SSUH2: variants seen among roughly 807,000 people sequenced by gnomAD.
SSUH2 encodes the protein ssu-2 homolog.
SSUH2 carries 47 observed loss-of-function variants against 55.3 expected under a neutral mutation model. That is an observed-to-expected ratio of 0.85 (90% confidence interval 0.67 to 1.08). The LOEUF (loss-of-function observed/expected upper bound fraction) is 1.08. SSUH2 is among the 50% of genes least tolerant of loss of function. The pLI is 0.00. For missense variants in SSUH2, 535 were observed against 490.7 expected (o/e 1.09, Z -0.85); for synonymous variants, 212 against 191.5 (o/e 1.11, Z -0.89).
intron 3 of SSUH2, among the ~76,000 whole-genome samples, chr3:8,675,965 T>C (rs904958201): frequency 6.6e-6 from 1 of 152,116 alleles, no homozygotes; most frequent in African/African-American, 2.4e-5. Flanking sequence ...AGACGGGGTT[T>C]CTAAAGGATG....
At chr3:8,633,265 T>C (rs1699203477) in intron 4 of SSUH2, among the ~76,000 whole-genome samples, 1 of 150,296 alleles carries the variant, frequency 6.7e-6, no homozygotes, top group African/African-American at 2.5e-5. Flanking sequence ...TGCCTCAGCC[T>C]CCCGAGTAGC....
intron 11 of SSUH2, 46 bp downstream of exon 11, chr3:8,623,503 C>G: frequency 8.7e-7 from 1 of 1,152,458 alleles, no homozygotes; most frequent in Non-Finnish European, 1.3e-6. Context: ...GCTCAGCAGC[C>G]CAGGAAGAGA....
chr3:8,641,055 C>T (rs1700745877), intron 1 of SSUH2, among the ~76,000 whole-genome samples: 2 of 152,166 alleles, frequency 1.3e-5, no homozygotes, highest in South Asian at 2.1e-4. Flanking sequence ...GTGCCATTTC[C>T]CCAGCCCTGG....
In SSUH2 at chr3:8,625,200, T is replaced by C. The variant is rs141379174; in HGVS notation, c.873+342A>G. Among the ~76,000 whole-genome samples, 302 of 150,602 alleles carry C rather than the reference T, an allele frequency of 2.0e-3. 5 individuals are homozygous for C. Among genetic ancestry groups the C allele is most frequent in the Middle Eastern group, 0.017 (5 of 294 alleles). On this transcript the variant is annotated intron_variant, in intron 10 of 11. Coordinates refer to ENST00000544814, the MANE Select transcript of SSUH2 (RefSeq NM_001256748.3). ...CTGATATAGGAGGAGGGTCTCAAGA[T>C]TTGTGGAAGGAAGGAGGGGATGAGG...
At chr3:8,668,886 T>C (rs1704245840) in intron 5 of SSUH2, among the ~76,000 whole-genome samples, 2 of 152,082 alleles carry the variant, frequency 1.3e-5, no homozygotes, top group African/African-American at 4.8e-5. Context: ...TGATTCTACG[T>C]TTTACAACCA....
At position 8,679,425 on chromosome 3, in the gene SSUH2, TC is replaced by T. The variant is rs796347268; in HGVS notation, c.-901+279del. ...AGCCAGCCCCTCTTCCCCCCCTGGCTCTTAGGACCCCCATCACAGCGGGGGG... is the reference window on the plus strand; with the variant it reads ...AGCCAGCCCCTCTTCCCCCCCTGGCTTTAGGACCCCCATCACAGCGGGGGG... On this transcript the variant is annotated intron_variant, in intron 2 of 18. Coordinates refer to the SSUH2 transcript ENST00000317371. Among the ~76,000 whole-genome samples the T allele has an allele frequency of 6.0e-3, 769 of 128,332 alleles. 14 individuals carry two copies. The highest frequency in any genetic ancestry group is 0.02 in the African/African-American group (691 of 35,082). 84.2% of individuals were successfully genotyped at this position (128,332 alleles called of 152,430 possible).
intron 1 of SSUH2, among the ~76,000 whole-genome samples, chr3:8,643,047 A>G (rs1701124680): frequency 6.6e-6 from 1 of 152,166 alleles, no homozygotes; most frequent in African/African-American, 2.4e-5. Flanking sequence ...TGCTCACCAA[A>G]AGGCATGAGG....
intron 7 of SSUH2, among the ~76,000 whole-genome samples, chr3:8,628,282 G>C (rs1208419525): frequency 1.3e-5 from 2 of 152,178 alleles, no homozygotes; most frequent in Non-Finnish European, 2.9e-5. Flanking sequence ...GGATGAAAGG[G>C]CTGGTGGAGA....
In SSUH2 at chr3:8,678,281, T is replaced by C. The variant is rs75882249; in HGVS notation, c.-900-928A>G. 3.6e-3 allele frequency among the ~76,000 whole-genome samples: 549 copies of C among 152,126 alleles called. 9 individuals carry two copies. Among genetic ancestry groups the C allele is most frequent in the East Asian group, 0.022 (114 of 5,152 alleles). On this transcript the variant is annotated intron_variant, in intron 2 of 18. Transcript: ENST00000317371. ...TGGAGTAATATCAACCTCTCGGCCT[T>C]TGAATATTGGGAAGAATATCACAGG...
At chr3:8,637,141 C>T (rs926838451) in intron 1 of SSUH2, among the ~76,000 whole-genome samples, 4 of 152,302 alleles carry the variant, frequency 2.6e-5, no homozygotes, top group African/African-American at 7.2e-5. Context: ...CGCCAGGCAG[C>T]GGCAGTGAAC....
intron 2 of SSUH2, among the ~76,000 whole-genome samples, chr3:8,678,919 GACTGAGAGCC>G (rs1705687709): frequency 1.8e-5 from 2 of 111,950 alleles, no homozygotes; most frequent in Non-Finnish European, 2.1e-5. Flanking sequence ...GCCAGGCGGG[GACTGAGAGCC>G]AGCCACTCTT....
intron 8 of SSUH2, 40 bp downstream of exon 8, chr3:8,627,658 G>A (rs779751625): frequency 2.7e-6 from 4 of 1,471,996 alleles, no homozygotes; most frequent in Non-Finnish European, 3.6e-6. Flanking sequence ...AAGCCAGAAA[G>A]CAAGAGCACT....
chr3:8,674,463 G>A (rs1488827725), intron 3 of SSUH2, among the ~76,000 whole-genome samples: 6 of 152,190 alleles, frequency 3.9e-5, no homozygotes, highest in Non-Finnish European at 8.8e-5. Flanking sequence ...TCAGAATGAT[G>A]GTCGGGGTAG....
intron 5 of SSUH2, among the ~76,000 whole-genome samples, chr3:8,665,397 A>G (rs1317914137): frequency 6.6e-6 from 1 of 152,182 alleles, no homozygotes; most frequent in Non-Finnish European, 1.5e-5. Flanking sequence ...CATGTTAATT[A>G]GCATAGTCTG....
intron 8 of SSUH2, 142 bp from the exon 9 acceptor site, chr3:8,626,463 C>T (rs371068711): frequency 7.3e-5 from 46 of 633,578 alleles, no homozygotes; most frequent in African/African-American, 7.2e-4. Context: ...CCTAGTCCTC[C>T]TTCTGCTGGC....
At chr3:8,647,275 G>A (rs968906956), upstream of SSUH2, among the ~76,000 whole-genome samples, 14 of 152,254 alleles carry the variant, frequency 9.2e-5, no homozygotes, top group Admixed American at 5.9e-4. Flanking sequence ...CTATCCATGC[G>A]CAGGCATGCG....
At chr3:8,678,756 A>ACT (rs1243120189) in intron 2 of SSUH2, among the ~76,000 whole-genome samples, 1 of 89,484 alleles carries the variant, frequency 1.1e-5, no homozygotes. Context: ...CGAGGCGGGG[A>ACT]AAGAGAGCCA....
intron 2 of SSUH2, chr3:8,677,516 T>G (rs927148238): frequency 6.6e-6 from 1 of 150,806 alleles, no homozygotes; most frequent in Non-Finnish European, 1.5e-5. Context: ...AAGTCTTTCA[T>G]GAGTTAAAGG....
intron 1 of SSUH2, among the ~76,000 whole-genome samples, chr3:8,642,637 G>A (rs1170336682): frequency 1.3e-5 from 2 of 152,200 alleles, no homozygotes; most frequent in East Asian, 1.9e-4. Flanking sequence ...TCCTATCCAT[G>A]CACTTTTGTC....
Sources: allele counts gnomAD v4.1 joint callset (sites outside exome capture counted in the v4.1 genomes callset), GRCh38; gene constraint gnomAD v4.1.1; transcripts MANE v1.5; gene names NCBI Gene and HGNC (gene_info 2026-07-23, HGNC 2026-07-21).